The following EYS variants were observed in gnomAD, a reference collection of about 807,000 sequenced individuals.
The protein encoded by EYS is EGF-like photoreceptor maintenance factor, also known as protein eyes shut homolog.
A neutral mutation model predicts 282.1 loss-of-function variants in EYS; 250 were observed. The ratio of observed to expected loss-of-function variants is 0.89; its 90% CI spans 0.80 to 0.98. The LOEUF (loss-of-function observed/expected upper bound fraction) is 0.98. Ranked by LOEUF, EYS falls within the 50% of genes least tolerant of loss-of-function variation. The pLI is 0.00. For missense variants in EYS, 4,016 were observed against 3,709.0 expected (o/e 1.08, Z -2.15); for synonymous variants, 1,355 against 1,282.9 (o/e 1.06, Z -1.20).
At chr6:63,759,560 C>T (rs1331760889) in intron 41 of EYS, among the ~76,000 whole-genome samples, 1 of 152,094 alleles carries the variant, frequency 6.6e-6, no homozygotes, top group Non-Finnish European at 1.5e-5. Flanking sequence ...CCAGTGCCTA[C>T]TTATCTTTTA....
At chr6:65,519,708 A>ATATTTTT (rs1554205854) in intron 2 of EYS, among the ~76,000 whole-genome samples, 3 of 42,562 alleles carry the variant, frequency 7.0e-5, no homozygotes, top group East Asian at 2.2e-3. Context: ...ATATATATAT[A>ATATTTTT]TTTTTTTTTT....
chr6:63,834,878 A>G (rs1771760450), intron 36 of EYS, among the ~76,000 whole-genome samples: 1 of 151,942 alleles, frequency 6.6e-6, no homozygotes, highest in Non-Finnish European at 1.5e-5. Flanking sequence ...AGCCATAAAA[A>G]AGGATGAGTT....
At chr6:64,720,043 T>C (rs1338752312) in intron 22 of EYS, among the ~76,000 whole-genome samples, 1 of 152,228 alleles carries the variant, frequency 6.6e-6, no homozygotes, top group Non-Finnish European at 1.5e-5. Context: ...ATGTATTGTC[T>C]CCCAGTTCTG....
chr6:64,007,635 T>C (rs1768413676), intron 33 of EYS, among the ~76,000 whole-genome samples: 2 of 152,184 alleles, frequency 1.3e-5, no homozygotes, highest in African/African-American at 2.4e-5. Flanking sequence ...GCACTATAAC[T>C]TTCCCTCTTA....
intron 24 of EYS, among the ~76,000 whole-genome samples, chr6:64,609,617 C>T (rs1352076950): frequency 6.7e-6 from 1 of 149,374 alleles, no homozygotes; most frequent in Non-Finnish European, 1.5e-5. Flanking sequence ...GACATTGTGG[C>T]TCATGCCTAT....
intron 12 of EYS, among the ~76,000 whole-genome samples, chr6:65,284,591 C>T (rs948089513): frequency 2.0e-5 from 3 of 152,052 alleles, no homozygotes; most frequent in African/African-American, 7.2e-5. Context: ...TTGAACTTAA[C>T]TAACATAACT....
At position 65,368,211 on chromosome 6, in the gene EYS, G is replaced by A. The variant is rs560539524; in HGVS notation, c.1300-14594C>T. 7.7e-4 allele frequency among the ~76,000 whole-genome samples: 116 copies of A among 151,596 alleles called. 1 individual carries two copies. Among genetic ancestry groups the A allele is most frequent in the Middle Eastern group, 3.4e-3 (1 of 294 alleles). ...CCCCATGATTCAATTACCTCCCACT[G>A]GTTCCCTCCCATAACACATGGGGAT... is the stretch of plus-strand genomic sequence containing the variant. On this transcript the variant is annotated intron_variant, in intron 8 of 42. Transcript: ENST00000503581.
At chr6:64,958,690 G>A (rs1479397951) in intron 14 of EYS, among the ~76,000 whole-genome samples, 1 of 125,852 alleles carries the variant, frequency 7.9e-6, no homozygotes, top group Non-Finnish European at 1.6e-5. Flanking sequence ...AGCGGAGATC[G>A]CGCCACAGCA....
intron 12 of EYS, among the ~76,000 whole-genome samples, chr6:65,278,295 A>T (rs1768112539): frequency 1.4e-5 from 2 of 143,476 alleles, no homozygotes; most frequent in Admixed American, 1.4e-4. Flanking sequence ...ATATATATTT[A>T]TAGAAATTTA....
At chr6:65,531,072 G>A (rs1401172395) in intron 2 of EYS, among the ~76,000 whole-genome samples, 3 of 151,824 alleles carry the variant, frequency 2.0e-5, no homozygotes, top group East Asian at 3.9e-4. Context: ...TGTTTTTTAC[G>A]GCACAATGGA....
intron 26 of EYS, among the ~76,000 whole-genome samples, chr6:64,521,793 G>C (rs1777749071): frequency 6.6e-6 from 1 of 151,666 alleles, no homozygotes; most frequent in South Asian, 2.1e-4. Context: ...TGTTGCTCTT[G>C]AAGTCAGGAG....
chr6:64,395,417 T>C (rs1361573360), intron 28 of EYS, among the ~76,000 whole-genome samples: 1 of 152,122 alleles, frequency 6.6e-6, no homozygotes, highest in Non-Finnish European at 1.5e-5. Flanking sequence ...ATTAAGAAAA[T>C]GTGTCACATA....
intron 26 of EYS, among the ~76,000 whole-genome samples, chr6:64,526,246 G>T (rs1391489576): frequency 1.3e-5 from 2 of 151,876 alleles, no homozygotes; most frequent in African/African-American, 2.4e-5. Flanking sequence ...GATCCTCGTG[G>T]TGATAGGAAT....
At chr6:63,868,991 C>T (rs1772734808) in intron 35 of EYS, among the ~76,000 whole-genome samples, 1 of 152,042 alleles carries the variant, frequency 6.6e-6, no homozygotes, top group African/African-American at 2.4e-5. Flanking sequence ...TAAAAGTAGC[C>T]AAGCATGAAA....
chr6:65,141,364 G>GA (rs1017141963), intron 12 of EYS, among the ~76,000 whole-genome samples: 3 of 151,984 alleles, frequency 2.0e-5, no homozygotes, highest in African/African-American at 4.8e-5. Flanking sequence ...AGCGGGGAGG[G>GA]ATAGCATTAG....
intron 33 of EYS, among the ~76,000 whole-genome samples, chr6:64,058,594 A>T (rs1771062805): frequency 6.6e-6 from 1 of 152,172 alleles, no homozygotes; most frequent in Non-Finnish European, 1.5e-5. Flanking sequence ...CCTGAATCTT[A>T]CTTTTCAACA....
intron 15 of EYS, among the ~76,000 whole-genome samples, chr6:64,925,464 G>A (rs1768486007): frequency 6.6e-6 from 1 of 152,110 alleles, no homozygotes; most frequent in Non-Finnish European, 1.5e-5. Flanking sequence ...GTAGCGATGT[G>A]CCTGGTGTGT....
intron 22 of EYS, among the ~76,000 whole-genome samples, chr6:64,703,410 C>CACATAT (rs1447947508): frequency 9.7e-5 from 5 of 51,540 alleles, no homozygotes; most frequent in African/African-American, 3.8e-4. Context: ...CACACACACA[C>CACATAT]ATATATATAT....
At chr6:64,333,088 G>C (rs1353199142) in intron 29 of EYS, among the ~76,000 whole-genome samples, 1 of 152,142 alleles carries the variant, frequency 6.6e-6, no homozygotes, top group Admixed American at 6.5e-5. Flanking sequence ...TGAGTATACA[G>C]AGACTCATAC....
Sources: gnomAD v4.1 joint callset for allele counts (sites outside exome capture counted in the v4.1 genomes callset) on GRCh38, gnomAD v4.1.1 for gene constraint, MANE v1.5 for transcripts, NCBI Gene and HGNC (gene_info 2026-07-23, HGNC 2026-07-21) for gene names.